Variants in NCKAP5 observed in about 807,000 individuals in gnomAD.
NCKAP5 encodes nck-associated protein 5.
NCKAP5 carries 92 observed loss-of-function variants against 167.0 expected under a neutral mutation model. The ratio of observed to expected loss-of-function variants is 0.55; its 90% confidence interval spans 0.47 to 0.66. NCKAP5 has a LOEUF of 0.66. Among genes scored for constraint, NCKAP5 ranks in the 30% least tolerant of loss-of-function variants. NCKAP5 has a pLI of 0.00. For missense variants in NCKAP5, 2,378 were observed against 2,315.0 expected (o/e 1.03, Z -0.56); for synonymous variants, 891 against 877.4 (o/e 1.02, Z -0.27).
At chr2:133,011,786 G>C (rs2078169196) in intron 6 of NCKAP5, among the ~76,000 whole-genome samples, 1 of 152,122 alleles carries the variant, frequency 6.6e-6, no homozygotes, top group Admixed American at 6.6e-5. Context: ...TGGACAGAAG[G>C]GATGATTATC....
chr2:132,774,365 T>C (rs1682361555), intron 15 of NCKAP5, among the ~76,000 whole-genome samples: 1 of 152,228 alleles, frequency 6.6e-6, no homozygotes, highest in African/African-American at 2.4e-5. Flanking sequence ...TGCTGGCTCT[T>C]TCCTGGAATG....
intron 3 of NCKAP5, among the ~76,000 whole-genome samples, chr2:133,435,091 C>T (rs1690390020): frequency 6.6e-6 from 1 of 152,314 alleles, no homozygotes; most frequent in African/African-American, 2.4e-5. Context: ...ACTATTACAC[C>T]ATCTGGGATA....
intron 16 of NCKAP5, among the ~76,000 whole-genome samples, chr2:132,758,366 G>T (rs1680728113): frequency 6.6e-6 from 1 of 152,130 alleles, no homozygotes. Context: ...CAAGTCATTT[G>T]TTGCCAGCCT....
At chr2:133,437,103 C>A (rs944792036) in intron 3 of NCKAP5, among the ~76,000 whole-genome samples, 2 of 152,094 alleles carry the variant, frequency 1.3e-5, no homozygotes, top group Non-Finnish European at 2.9e-5. Flanking sequence ...CCCGTAATCC[C>A]AGCACTTTGG....
At chr2:133,058,940 A>G (rs767472610) in intron 6 of NCKAP5, among the ~76,000 whole-genome samples, 4 of 152,196 alleles carry the variant, frequency 2.6e-5, no homozygotes, top group Non-Finnish European at 4.4e-5. Flanking sequence ...CTCAAGTTTC[A>G]GCAACCACCA....
intron 19 of NCKAP5, among the ~76,000 whole-genome samples, chr2:132,711,794 T>C (rs1299557152): frequency 2.0e-5 from 3 of 152,088 alleles, no homozygotes; most frequent in East Asian, 3.9e-4. Flanking sequence ...TAAGGGGCAC[T>C]CCTCCTTCCC....
At chr2:133,390,662 G>A (rs1687336178) in intron 3 of NCKAP5, among the ~76,000 whole-genome samples, 2 of 152,104 alleles carry the variant, frequency 1.3e-5, no homozygotes, top group African/African-American at 2.4e-5. Flanking sequence ...TAGAGTAGTG[G>A]TTCTTAACCC....
intron 6 of NCKAP5, among the ~76,000 whole-genome samples, chr2:133,013,473 G>A (rs2078229073): frequency 6.6e-6 from 1 of 152,216 alleles, no homozygotes; most frequent in Non-Finnish European, 1.5e-5. Flanking sequence ...GCAGGCAAAG[G>A]GAGAGAGCTT....
chr2:132,713,238 G>A (rs1218381706), intron 19 of NCKAP5, among the ~76,000 whole-genome samples: 1 of 152,106 alleles, frequency 6.6e-6, no homozygotes, highest in Non-Finnish European at 1.5e-5. Flanking sequence ...AAACGACAAA[G>A]TCAAATTTTG....
At chr2:133,507,411 A>T (rs1248608764) in intron 3 of NCKAP5, among the ~76,000 whole-genome samples, 1 of 152,226 alleles carries the variant, frequency 6.6e-6, no homozygotes, top group African/African-American at 2.4e-5. Flanking sequence ...ACTGCTTAAA[A>T]CCAAGAACCA....
intron 5 of NCKAP5, among the ~76,000 whole-genome samples, chr2:133,143,095 T>G (rs1032184909): frequency 1.0e-4 from 12 of 119,172 alleles, no homozygotes; most frequent in South Asian, 2.4e-4. Context: ...TAAAAACGTG[T>G]TTTTTTTTTA....
At chr2:133,667,680 ATTTACACCC>A in the NCKAP5 span, among the ~76,000 whole-genome samples, 6 of 152,044 alleles carry the variant, frequency 3.9e-5, no homozygotes, top group African/African-American at 1.5e-4. Flanking sequence ...ATTGACATCT[ATTTACACCC>A]TTGCCTTATG....
chr2:133,204,478 C>G (rs2085854685), intron 5 of NCKAP5, among the ~76,000 whole-genome samples: 1 of 152,164 alleles, frequency 6.6e-6, no homozygotes, highest in African/African-American at 2.4e-5. Context: ...AGATCGACTT[C>G]ATTTTAACTG....
At chr2:132,988,534 T>C (rs1004424379) in intron 7 of NCKAP5, among the ~76,000 whole-genome samples, 2 of 151,864 alleles carry the variant, frequency 1.3e-5, no homozygotes. Context: ...AATTGTATCT[T>C]CTTGAAACAT....
chr2:133,257,496 C>G (rs1476371375), intron 4 of NCKAP5, among the ~76,000 whole-genome samples: 1 of 152,156 alleles, frequency 6.6e-6, no homozygotes, highest in East Asian at 1.9e-4. Flanking sequence ...CTTACGATAA[C>G]TACTCTGATA....
intron 5 of NCKAP5, among the ~76,000 whole-genome samples, chr2:133,183,242 G>GA (rs1467213746): frequency 2.6e-5 from 4 of 151,866 alleles, no homozygotes; most frequent in Admixed American, 2.6e-4. Flanking sequence ...CAACAAGAGG[G>GA]AATACTTCCC....
intron 13 of NCKAP5, among the ~76,000 whole-genome samples, chr2:132,787,309 T>C (rs774859094): frequency 5.4e-5 from 8 of 148,716 alleles, no homozygotes; most frequent in East Asian, 2.0e-4. Flanking sequence ...GATTGCACCA[T>C]TGCACTCCCT....
At chr2:133,489,931 A>T (rs1681290269) in intron 3 of NCKAP5, among the ~76,000 whole-genome samples, 2 of 152,186 alleles carry the variant, frequency 1.3e-5, no homozygotes, top group African/African-American at 2.4e-5. Context: ...ATCAGATTTC[A>T]CACCAGGAAC....
chr2:132,793,781 G>T (rs1684264667), intron 12 of NCKAP5, among the ~76,000 whole-genome samples: 1 of 152,102 alleles, frequency 6.6e-6, no homozygotes, highest in Admixed American at 6.5e-5. Context: ...GTAATTCCTT[G>T]CAAAGAAGAG....
Sources: allele counts gnomAD v4.1 joint callset (sites outside exome capture counted in the v4.1 genomes callset), GRCh38; gene constraint gnomAD v4.1.1; transcripts MANE v1.5; gene names NCBI Gene and HGNC (gene_info 2026-07-23, HGNC 2026-07-21).